RNFT2: variants seen among roughly 807,000 people sequenced by gnomAD.
The protein encoded by RNFT2 is ring finger protein, transmembrane 2.
RNFT2 carries 36 observed loss-of-function variants against 53.0 expected under a neutral mutation model. The ratio of observed to expected loss-of-function variants is 0.68; its 90% CI spans 0.52 to 0.90. The LOEUF is 0.90. RNFT2 is among the 40% of genes least tolerant of loss of function. RNFT2 has a pLI of 0.00. For synonymous variants in RNFT2, 260 were observed against 253.2 expected (o/e 1.03, Z -0.26); for missense variants, 514 against 585.6 (o/e 0.88, Z 1.26).
chr12:116,766,757 C>G, intron 5 of RNFT2, 57 bp from the exon 6 acceptor site: 1 of 1,321,060 alleles, frequency 7.6e-7, no homozygotes, highest in South Asian at 1.3e-5. Flanking sequence ...AGGGTACATT[C>G]TGGAAGGTTC....
intron 5 of RNFT2, among the ~76,000 whole-genome samples, chr12:116,763,107 A>G (rs1872755040): frequency 6.6e-6 from 1 of 152,060 alleles, no homozygotes; most frequent in Non-Finnish European, 1.5e-5. Flanking sequence ...AAAGAAGGCA[A>G]TGTTTAGCAT....
chr12:116,786,153 C>T (rs1873926117), intron 7 of RNFT2, among the ~76,000 whole-genome samples: 3 of 147,772 alleles, frequency 2.0e-5, no homozygotes, highest in Admixed American at 1.4e-4. Context: ...CAGAGTTTCA[C>T]TTTTGTCCCC....
intron 3 of RNFT2, among the ~76,000 whole-genome samples, chr12:116,742,030 T>C (rs77197427): frequency 0.048 from 7,312 of 152,204 alleles, 203 homozygotes; most frequent in Non-Finnish European, 0.053. Flanking sequence ...GCTAATGACA[T>C]TGAAAGATGA....
At chr12:116,830,036 C>T (rs1413292427) in intron 7 of RNFT2, among the ~76,000 whole-genome samples, 1 of 151,846 alleles carries the variant, frequency 6.6e-6, no homozygotes, top group East Asian at 1.9e-4. Context: ...CAAATGATAT[C>T]TTTCATCAGG....
At chr12:116,817,148 G>A (rs1471069399) in intron 7 of RNFT2, among the ~76,000 whole-genome samples, 3 of 152,090 alleles carry the variant, frequency 2.0e-5, no homozygotes, top group East Asian at 1.9e-4. Context: ...AAACAGTTGC[G>A]TCTACAGGCA....
chr12:116,840,922 C>CTGTG lies in RNFT2; in HGVS notation c.1200+4658_1200+4661dup, dbSNP rs34358849. On this transcript the variant is annotated intron_variant, in intron 10 of 10. Transcript: ENST00000257575. ...AGGATCTGAGGTTAGGGGTATGTGT[C>CTGTG]TGTGTGTGTGTGTGTGTGTGTCCTG... Among the ~76,000 whole-genome samples, 281 of 149,090 alleles carry CTGTG rather than the reference C, an allele frequency of 1.9e-3. 1 individual carries two copies. The highest frequency in any genetic ancestry group is 5.3e-3 in the South Asian group (25 of 4,724).
chr12:116,849,558 G>T lies in RNFT2; in HGVS notation c.*110G>T. 1.4e-6 allele frequency: 2 copies of T among 1,441,522 alleles called. No individual in the cohort carries two copies. Among genetic ancestry groups the T allele is most frequent in the Non-Finnish European group, 9.1e-7 (1 of 1,094,298 alleles). The allele number at this position is 1,441,522 out of a possible 1,614,324, so 89.3% of individuals were successfully genotyped here. ...CTCAAGCACTTACATCCTGCCTCTT[G>T]CCCTCCACCACCTCTGACCCCAAAG... On this transcript the variant is annotated 3_prime_UTR_variant, in exon 11 of 11. Transcript: ENST00000257575.
chr12:116,798,237 AG>A (rs1250097281), intron 7 of RNFT2, among the ~76,000 whole-genome samples: 1 of 151,852 alleles, frequency 6.6e-6, no homozygotes, highest in Non-Finnish European at 1.5e-5. Context: ...AAAAAAAAAA[AG>A]AAGCAGCAGC....
At chr12:116,798,614 G>T (rs771821105) in intron 7 of RNFT2, among the ~76,000 whole-genome samples, 15 of 152,064 alleles carry the variant, frequency 9.9e-5, no homozygotes, top group Admixed American at 2.6e-4. Context: ...TGTCACCCAG[G>T]TTGGAGTGCA....
rs185976544 is a variant in RNFT2 at position 116,782,971 on chromosome 12, A to G, written c.882+3623A>G. ...ATGCCAGGACCCTACTCACTCTACC[A>G]TGAGACTTCCCTCATGGCGAGAACA... On this transcript the variant is annotated intron_variant, in intron 7 of 10. Transcript: ENST00000257575. Among the ~76,000 whole-genome samples, 1,252 of 152,248 alleles carry G rather than the reference A, an allele frequency of 8.2e-3. 9 individuals are homozygous for G. Among genetic ancestry groups the G allele is most frequent in the Non-Finnish European group, 0.011 (767 of 68,022 alleles).
intron 7 of RNFT2, among the ~76,000 whole-genome samples, chr12:116,815,616 A>G (rs1310413163): frequency 6.6e-6 from 1 of 152,096 alleles, no homozygotes; most frequent in Non-Finnish European, 1.5e-5. Context: ...CCTTGTGATG[A>G]TATTGGGCCC....
intron 1 of RNFT2, among the ~76,000 whole-genome samples, chr12:116,739,781 G>A (rs764705929): frequency 8.5e-5 from 13 of 152,252 alleles, no homozygotes; most frequent in African/African-American, 1.2e-4. Flanking sequence ...GGAAGAACCC[G>A]TAGGCTATGG....
At chr12:116,744,848 G>A (rs1231202266) in intron 3 of RNFT2, among the ~76,000 whole-genome samples, 1 of 152,170 alleles carries the variant, frequency 6.6e-6, no homozygotes, top group East Asian at 1.9e-4. Context: ...TGAACTCAGA[G>A]TGCTGGCAAG....
chr12:116,853,484 G>C lies in RNFT2; in HGVS notation c.*4036G>C, dbSNP rs1363549335. On this transcript the variant is annotated 3_prime_UTR_variant, in exon 11 of 11. Coordinates refer to ENST00000257575, the MANE Select transcript of RNFT2 (RefSeq NM_001382266.1). The stretch of plus-strand genomic sequence containing the variant: ...AGAGTGTTAGGAAGACATCCGGGCT[G>C]CTGAGACTCGGGATTAGAAGAAAGA... 1 of 316,156 alleles carries C rather than the reference G, an allele frequency of 3.2e-6. No homozygotes were observed. Among genetic ancestry groups the C allele is most frequent in the Admixed American group, 5.0e-5 (1 of 20,096 alleles). The allele number at this position is 316,156 out of a possible 1,614,324, so 19.6% of individuals were successfully genotyped here. A position where few individuals can be genotyped will look rare whatever the true frequency, so the allele number is the denominator to read the frequency against.
Position 116,833,853 on chromosome 12 carries a change from A to G in RNFT2, c.944A>G (p.Gln315Arg). 1.2e-6 allele frequency: 2 copies of G among 1,613,462 alleles called. No homozygotes were observed. Among genetic ancestry groups the G allele is most frequent in the South Asian group, 2.2e-5 (2 of 90,980 alleles). ...SQLFRSLVPI[Q>R]LWYKYIMGDD... The stretch of plus-strand genomic sequence containing the variant: ...CTGTTCCGATCCCTTGTCCCCATCC[A>G]GCTGTGGTACAAATACATCATGGGT... Residue 315 changes from glutamine to arginine, a missense_variant, in exon 8 of 11, where the codon CAG becomes CGG. Around this residue, in one of 3 missense-constraint regions of RNFT2, gnomAD observed 273 missense variants for 334.4 expected, o/e 0.82. Coordinates refer to ENST00000257575, the MANE Select transcript of RNFT2 (RefSeq NM_001382266.1).
rs757689527 is a variant in RNFT2, at chr12:116,851,764, AAGGG to A, written c.*2328_*2331del. 23 of 761,972 alleles carry A rather than the reference AAGGG, an allele frequency of 3.0e-5. No homozygotes were observed. The highest frequency in any genetic ancestry group is 2.2e-4 in the Middle Eastern group (1 of 4,474). 47.2% of individuals were successfully genotyped at this position (761,972 alleles called of 1,614,324 possible). ...TGTCTAAAAAAAAAAAGAAAGAAAG[AAGGG>A]AGGGAGGGAGGAAGGAAGGAAGGAA... On this transcript the variant is annotated 3_prime_UTR_variant, in exon 11 of 11. Transcript: ENST00000257575.
rs180984945 is a variant in RNFT2 at position 116,764,721 on chromosome 12, G to A, written c.628-2093G>A. Among the ~76,000 whole-genome samples, 1,027 of 152,154 alleles carry A rather than the reference G, an allele frequency of 6.7e-3. 5 individuals carry two copies. Among genetic ancestry groups the A allele is most frequent in the Non-Finnish European group, 0.012 (824 of 67,990 alleles). On this transcript the variant is annotated intron_variant, in intron 5 of 10. Coordinates refer to ENST00000257575, the MANE Select transcript of RNFT2 (RefSeq NM_001382266.1). ...AGCTTGGCCAACATGGTGAAACCCCGTCTCTACTAAAAATACAAAAATTAG... is the reference window on the plus strand; with the variant it reads ...AGCTTGGCCAACATGGTGAAACCCCATCTCTACTAAAAATACAAAAATTAG...
intron 7 of RNFT2, among the ~76,000 whole-genome samples, chr12:116,812,144 A>AG (rs1875411888): frequency 6.6e-6 from 1 of 152,156 alleles, no homozygotes; most frequent in Non-Finnish European, 1.5e-5. Flanking sequence ...CCTGACTTCA[A>AG]GGGGCTGATG....
At chr12:116,832,824 G>A (rs1007604944) in intron 7 of RNFT2, among the ~76,000 whole-genome samples, 1 of 151,986 alleles carries the variant, frequency 6.6e-6, no homozygotes, top group Non-Finnish European at 1.5e-5. Flanking sequence ...TCTGTAGATG[G>A]GGAAACTAAG....
Sources: gnomAD v4.1 joint callset for allele counts (sites outside exome capture counted in the v4.1 genomes callset) on GRCh38, gnomAD v4.1.1 for gene constraint, gnomAD v4.1.1 regional missense constraint, MANE v1.5 for transcripts, NCBI Gene and HGNC (gene_info 2026-07-23, HGNC 2026-07-21) for gene names.